The following ZNF827 variants were observed in gnomAD, a reference collection of about 807,000 sequenced individuals.
ZNF827 encodes the protein zinc finger protein 827.
ZNF827 carries 13 observed loss-of-function variants against 102.4 expected under a neutral mutation model. That is an observed-to-expected ratio of 0.13 (90% CI 0.08 to 0.20). The LOEUF (loss-of-function observed/expected upper bound fraction) is 0.20, where lower values mean the gene tolerates loss of function less well. ZNF827 is among the 10% of genes least tolerant of loss of function. The pLI is 1.00. For synonymous variants in ZNF827, 523 were observed against 536.2 expected, an observed-to-expected ratio of 0.98 and a Z score of 0.34; for missense variants, 1,103 against 1,344.4, an observed-to-expected ratio of 0.82 and a Z score of 2.81.
At chr4:145,802,813 T>G (rs951093308) in intron 8 of ZNF827, among the ~76,000 whole-genome samples, 1 of 152,124 alleles carries the variant, frequency 6.6e-6, no homozygotes, top group East Asian at 1.9e-4. Context: ...CAAGGTGGTA[T>G]GCATCTGTAG....
chr4:145,811,858 G>C (rs563322314), intron 8 of ZNF827, among the ~76,000 whole-genome samples: 2 of 152,012 alleles, frequency 1.3e-5, no homozygotes, highest in Non-Finnish European at 2.9e-5. Context: ...GATAAAAAAG[G>C]TTCTTTAAAA....
At chr4:145,773,350 A>C (rs1389684148) in intron 11 of ZNF827, among the ~76,000 whole-genome samples, 2 of 152,180 alleles carry the variant, frequency 1.3e-5, no homozygotes, top group Non-Finnish European at 2.9e-5. Context: ...ACTGACAAAA[A>C]CAAGCTTTTA....
chr4:145,913,602 G>T (rs955504563), intron 1 of ZNF827, among the ~76,000 whole-genome samples: 2 of 151,888 alleles, frequency 1.3e-5, no homozygotes, highest in African/African-American at 4.8e-5. Flanking sequence ...TCACCAAAAG[G>T]CCAATCTAAA....
At chr4:145,777,620 T>C (rs1737320392) in intron 9 of ZNF827, among the ~76,000 whole-genome samples, 1 of 152,208 alleles carries the variant, frequency 6.6e-6, no homozygotes, top group African/African-American at 2.4e-5. Flanking sequence ...ACATTGATGA[T>C]TAGGTTTCCT....
chr4:145,776,780 G>GA (rs1200790057), intron 9 of ZNF827, among the ~76,000 whole-genome samples: 6 of 152,102 alleles, frequency 3.9e-5, no homozygotes, highest in Non-Finnish European at 8.8e-5. Flanking sequence ...AAATTAAGGG[G>GA]AAAAAATGCT....
chr4:145,937,811 G>A (rs1356435473), intron 1 of ZNF827, among the ~76,000 whole-genome samples: 3 of 149,924 alleles, frequency 2.0e-5, no homozygotes, highest in Non-Finnish European at 4.5e-5. Context: ...AGCCAGGGAC[G>A]GACCTCTCCC....
intron 1 of ZNF827, among the ~76,000 whole-genome samples, chr4:145,919,317 G>A (rs958067315): frequency 1.3e-5 from 2 of 152,162 alleles, no homozygotes; most frequent in Admixed American, 6.5e-5. Flanking sequence ...AAACAAGAAA[G>A]ATCTTATCCT....
rs1242766387 is a variant in ZNF827, at chr4:145,762,167, CTGTG to C, written c.*18-573_*18-570del. On this transcript the variant is annotated intron_variant, in intron 14 of 14. Transcript: ENST00000508784. The surrounding 1 kb of genome is among the most constrained non-coding windows in gnomAD (Gnocchi z 4.9). ...TAAGGGTTTGTTAGGATGAGAAGGC[CTGTG>C]TGTGTCTCTCTGTGTGAGTGTGTGC... 6.6e-6 allele frequency among the ~76,000 whole-genome samples: 1 copy of C among 152,038 alleles called. No individual in the cohort carries two copies. Among genetic ancestry groups the C allele is most frequent in the African/African-American group, 2.4e-5 (1 of 41,338 alleles).
chr4:145,937,868 C>A (rs1469381493), intron 1 of ZNF827, among the ~76,000 whole-genome samples: 3 of 150,622 alleles, frequency 2.0e-5, no homozygotes, highest in Non-Finnish European at 4.4e-5. Context: ...CCCGACACCC[C>A]CAAACGCCAT....
intron 8 of ZNF827, among the ~76,000 whole-genome samples, chr4:145,819,488 C>T (rs1273047071): frequency 1.3e-5 from 2 of 152,192 alleles, no homozygotes; most frequent in Non-Finnish European, 2.9e-5. Flanking sequence ...GCTTTTAATA[C>T]AGAATCACCC....
chr4:145,867,014 T>C (rs898759777), intron 5 of ZNF827, among the ~76,000 whole-genome samples: 2 of 152,238 alleles, frequency 1.3e-5, no homozygotes, highest in African/African-American at 4.8e-5. Flanking sequence ...ATCCTCTATA[T>C]TGAACACTGA....
chr4:145,902,125 C>T lies in ZNF827; in HGVS notation c.1093+41G>A. 2 of 1,545,422 alleles carry T rather than the reference C, an allele frequency of 1.3e-6. No individual in the cohort carries two copies. The highest frequency in any genetic ancestry group is 1.7e-6 in the Non-Finnish European group (2 of 1,151,356). On this transcript the variant is annotated intron_variant, in intron 2 of 14. Coordinates refer to ENST00000508784, the MANE Select transcript of ZNF827 (RefSeq NM_001306215.2). This position sits in a 1 kb window ranked among gnomAD's most constrained non-coding sequence, Gnocchi z 4.3. ...TGAATAAGACATCGCAGTTTATAGT[C>T]TAAAGGACTTACACGATGATTGAAA...
intron 3 of ZNF827, among the ~76,000 whole-genome samples, chr4:145,887,285 C>T (rs560528824): frequency 3.3e-5 from 5 of 151,988 alleles, no homozygotes; most frequent in South Asian, 2.1e-4. Flanking sequence ...TGCGTTAATC[C>T]GCTGCACCAC....
chr4:145,831,136 G>C (rs1744170100), intron 7 of ZNF827: 1 of 152,150 alleles, frequency 6.6e-6, no homozygotes, highest in African/African-American at 2.4e-5. Context: ...TGACGAAAAG[G>C]ACCCCGGATG....
At chr4:145,917,146 C>T (rs1423603669) in intron 1 of ZNF827, among the ~76,000 whole-genome samples, 2 of 152,208 alleles carry the variant, frequency 1.3e-5, no homozygotes, top group Non-Finnish European at 2.9e-5. Flanking sequence ...CCTCCAAATT[C>T]TTCTAGCATC....
intron 7 of ZNF827, among the ~76,000 whole-genome samples, chr4:145,836,381 C>T (rs992627797): frequency 1.3e-5 from 2 of 152,198 alleles, no homozygotes; most frequent in Admixed American, 6.5e-5. Flanking sequence ...GCCTAGCCCT[C>T]GTGTCTGCGT....
intron 4 of ZNF827, among the ~76,000 whole-genome samples, chr4:145,877,183 T>G (rs2126786450): frequency 6.6e-6 from 1 of 152,352 alleles, no homozygotes; most frequent in South Asian, 2.1e-4. Flanking sequence ...TTATACGATC[T>G]TTTGAAAATC....
At chr4:145,895,108 C>T (rs1750876463) in intron 2 of ZNF827, among the ~76,000 whole-genome samples, 1 of 152,170 alleles carries the variant, frequency 6.6e-6, no homozygotes, top group South Asian at 2.1e-4. Flanking sequence ...AATTCCTAAA[C>T]TACCTAATTT....
At chr4:145,810,685 CT>C (rs1238163937) in intron 8 of ZNF827, among the ~76,000 whole-genome samples, 1 of 152,090 alleles carries the variant, frequency 6.6e-6, no homozygotes, top group Admixed American at 6.6e-5. Context: ...CCAGTGTTTC[CT>C]TTTTTTATCT....
Sources: allele counts gnomAD v4.1 joint callset (sites outside exome capture counted in the v4.1 genomes callset), GRCh38; gene constraint gnomAD v4.1.1; non-coding constraint Gnocchi (gnomAD v3.1); transcripts MANE v1.5; gene names NCBI Gene and HGNC (gene_info 2026-07-23, HGNC 2026-07-21).